The following GPRC5C variants were observed in gnomAD, a reference collection of about 807,000 sequenced individuals.
The protein encoded by GPRC5C is G protein-coupled receptor class C group 5 member C.
A neutral mutation model predicts 31.4 loss-of-function variants in GPRC5C; 22 were observed. The observed-to-expected ratio is 0.70, with a 90% CI of 0.50 to 1.00. The LOEUF (loss-of-function observed/expected upper bound fraction) is 1.00. Ranked by LOEUF, GPRC5C falls within the 50% of genes least tolerant of loss-of-function variation. The pLI, the probability that GPRC5C is intolerant of heterozygous loss-of-function variation, is 0.00. For synonymous variants in GPRC5C, 249 were observed against 257.5 expected, an observed-to-expected ratio of 0.97 and a Z score of 0.32; for missense variants, 557 against 597.2, an observed-to-expected ratio of 0.93 and a Z score of 0.70.
intron 1 of GPRC5C, among the ~76,000 whole-genome samples, chr17:74,436,941 CGTT>C (rs1331602794): frequency 6.6e-6 from 1 of 151,976 alleles, no homozygotes; most frequent in East Asian, 1.9e-4. Context: ...TTGTTGTTGT[CGTT>C]GTTGTTTTTG....
downstream of GPRC5C, among the ~76,000 whole-genome samples, chr17:74,448,012 T>A (rs1015271261): frequency 5.9e-5 from 9 of 152,210 alleles, no homozygotes; most frequent in Non-Finnish European, 4.4e-5. Context: ...GAGCGGTCAT[T>A]AAAATGTCCA....
Position 74,447,308 on chromosome 17 carries a change from G to T in GPRC5C, c.*280G>T. The T allele has an allele frequency of 8.4e-7, 1 of 1,185,608 alleles. No homozygotes were observed. Among genetic ancestry groups the T allele is most frequent in the Non-Finnish European group, 1.0e-6 (1 of 954,348 alleles). The allele number at this position is 1,185,608 out of a possible 1,614,324, so 73.4% of individuals were successfully genotyped here. ...ATAGTGTTCTCGGGGTGGTGGCTGG[G>T]CAGCGCCTATGTTTCTCTGGAGATT... is the stretch of plus-strand genomic sequence containing the variant. On this transcript the variant is annotated 3_prime_UTR_variant, in exon 4 of 4. Transcript: ENST00000392627.
At chr17:74,443,480 G>T (rs1214238531) in intron 2 of GPRC5C, 2 of 454,640 alleles carry the variant, frequency 4.4e-6, no homozygotes, top group East Asian at 1.2e-4. Context: ...GTGTCCTCTT[G>T]GCCTCTGGCC....
intron 2 of GPRC5C, among the ~76,000 whole-genome samples, chr17:74,441,915 A>G (rs1206581582): frequency 2.0e-5 from 3 of 152,184 alleles, no homozygotes; most frequent in African/African-American, 4.8e-5. Context: ...TACTAATACT[A>G]TCCTTCCAGA....
intron 1 of GPRC5C, among the ~76,000 whole-genome samples, chr17:74,439,400 C>G (rs149408093): frequency 0.012 from 1,799 of 152,300 alleles, 25 homozygotes; most frequent in Admixed American, 0.032. Context: ...TTGGTCTTGA[C>G]TTGTTCACAA....
chr17:74,434,866 T>G (rs1327553419), intron 1 of GPRC5C, among the ~76,000 whole-genome samples: 1 of 149,478 alleles, frequency 6.7e-6, no homozygotes, highest in African/African-American at 2.5e-5. Flanking sequence ...GAGGTTGCAG[T>G]GAGCCGAGAT....
intron 3 of GPRC5C, among the ~76,000 whole-genome samples, chr17:74,444,223 T>G (rs1336305080): frequency 2.0e-5 from 3 of 152,146 alleles, no homozygotes; most frequent in Admixed American, 6.5e-5. Context: ...TGGTGGGAGC[T>G]GCCAGCTTTA....
intron 3 of GPRC5C, 53 bp downstream of exon 3, chr17:74,443,965 T>C: frequency 8.0e-7 from 1 of 1,257,588 alleles, no homozygotes; most frequent in Non-Finnish European, 1.2e-6. Context: ...GAGACCAGCC[T>C]CAGCAGGCCA....
rs111729746 is a variant in GPRC5C at position 74,433,592 on chromosome 17, C to G, written c.-33+1451C>G. Reference sequence around the variant, plus strand: ...GACCTAACCAGGGACTGGGAGAGACCGATAGGAGTGGAGGCAGGAAGGCTG... The same window carrying G: ...GACCTAACCAGGGACTGGGAGAGACGGATAGGAGTGGAGGCAGGAAGGCTG... On this transcript the variant is annotated intron_variant, in intron 1 of 3. Coordinates refer to ENST00000392627, the MANE Select transcript of GPRC5C (RefSeq NM_022036.4). 1.3e-5 allele frequency: 11 copies of G among 854,028 alleles called. No individual in the cohort carries two copies. The East Asian group carries it at 2.4e-4, about 19-fold the overall frequency. The allele number at this position is 854,028 out of a possible 1,614,324, so 52.9% of individuals were successfully genotyped here. A position where few individuals can be genotyped will look rare whatever the true frequency, so the allele number is the denominator to read the frequency against.
downstream of GPRC5C, chr17:74,448,963 C>T (rs540920679): frequency 3.4e-5 from 40 of 1,168,848 alleles, 2 homozygotes; most frequent in South Asian, 4.7e-4. Context: ...GTTGAGACAG[C>T]AGGGTCCTGA....
chr17:74,444,837 C>G (rs775686262), intron 3 of GPRC5C, among the ~76,000 whole-genome samples: 1 of 152,158 alleles, frequency 6.6e-6, no homozygotes, highest in Non-Finnish European at 1.5e-5. Flanking sequence ...CACTCCCCAG[C>G]GCGTTTGGAG....
Position 74,432,316 on chromosome 17 carries a change from C to G in GPRC5C, c.-33+175C>G, listed in dbSNP as rs756067866. ...AGCCCTGCCTGGGGACAGGCCCGCG[C>G]GAGAGCGAGCAACCCAGCGCGCCTG... On this transcript the variant is annotated intron_variant, in intron 1 of 3. Coordinates refer to ENST00000392627, the MANE Select transcript of GPRC5C (RefSeq NM_022036.4). 2.8e-4 allele frequency: 410 copies of G among 1,440,218 alleles called. 1 individual carries two copies. Among genetic ancestry groups the G allele is most frequent in the Non-Finnish European group, 3.4e-4 (372 of 1,100,020 alleles). 89.2% of individuals were successfully genotyped at this position (1,440,218 alleles called of 1,614,324 possible). A position where few individuals can be genotyped will look rare whatever the true frequency, so the allele number is the denominator to read the frequency against.
rs1431424964 is a variant in GPRC5C at position 74,446,932 on chromosome 17, T to C, written c.1230T>C (p.Ala410=). ...GCAGTGCCAACTCGACCCTGCGGGC[T>C]GAAGACATGTACTCGGCCCAGAGCC... The part of the protein sequence containing the change: ...VMGSANSTLR[A]EDMYSAQSHQ... The change falls in exon 4 of 4, where the codon GCT becomes GCC. Residue 410 remains alanine, a synonymous_variant. Transcript: ENST00000392627. 6 of 1,614,016 alleles carry C rather than the reference T, an allele frequency of 3.7e-6. No individual in the cohort carries two copies. Among genetic ancestry groups the C allele is most frequent in the Non-Finnish European group, 4.2e-6 (5 of 1,179,986 alleles).
In GPRC5C at chr17:74,440,743, G is replaced by A. The variant is rs2055523472; in HGVS notation, c.967G>A (p.Gly323Ser). The change falls in exon 2 of 4, where the codon GGC (glycine) becomes AGC (serine). Residue 323 changes from glycine to serine, a missense_variant. Coordinates refer to ENST00000392627, the MANE Select transcript of GPRC5C (RefSeq NM_022036.4). This position sits in a 1 kb window ranked among gnomAD's most constrained non-coding sequence, Gnocchi z 4.4. ...GGACATGTACCCCACCCGGGGCGTG[G>A]GCTATGAGACCATCCTGAAAGAGCA... The part of the protein sequence containing the change: ...QGDMYPTRGV[G>S]YETILKEQKG... The A allele has an allele frequency of 6.3e-7, 1 of 1,595,844 alleles. No individual in the cohort carries two copies. Among genetic ancestry groups the A allele is most frequent in the Non-Finnish European group, 8.6e-7 (1 of 1,167,164 alleles).
At chr17:74,433,937 G>T (rs1342602392) in intron 1 of GPRC5C, among the ~76,000 whole-genome samples, 1 of 152,168 alleles carries the variant, frequency 6.6e-6, no homozygotes, top group African/African-American at 2.4e-5. Context: ...GCTGGATGAA[G>T]CCACTTGTTG....
intron 1 of GPRC5C, among the ~76,000 whole-genome samples, chr17:74,437,825 G>A (rs1254886721): frequency 2.0e-5 from 3 of 152,006 alleles, no homozygotes; most frequent in Non-Finnish European, 4.4e-5. Context: ...AAGAGAGTTA[G>A]ATAATGCCAT....
chr17:74,439,460 C>G (rs1013899084), intron 1 of GPRC5C, among the ~76,000 whole-genome samples: 5 of 152,162 alleles, frequency 3.3e-5, no homozygotes, highest in African/African-American at 1.2e-4. Flanking sequence ...ATATCTGAAC[C>G]CAGGTTATGT....
chr17:74,440,062 G>A lies in GPRC5C; in HGVS notation c.286G>A (p.Gly96Arg). 1 of 1,613,004 alleles carries A rather than the reference G, an allele frequency of 6.2e-7. No homozygotes were observed. Residue 96 changes from glycine (G) to arginine (R), a missense_variant, in exon 2 of 4, where the codon GGG becomes AGG. Coordinates refer to ENST00000392627, the MANE Select transcript of GPRC5C (RefSeq NM_022036.4). This position sits in a 1 kb window ranked among gnomAD's most constrained non-coding sequence, Gnocchi z 4.4. ...GGGGACCCAGGTATTCTTCCTTCTG[G>A]GGACCCTGGGCCTCTTCTGCCTCGT... Reference protein sequence around the residue: ...LLGTQVFFLLGTLGLFCLVFA... With the variant: ...LLGTQVFFLLRTLGLFCLVFA...
chr17:74,432,482 C>A, intron 1 of GPRC5C: 1 of 1,048,580 alleles, frequency 9.5e-7, no homozygotes, highest in Non-Finnish European at 1.1e-6. Context: ...CTGGAGTTGG[C>A]CCCAAACGCT....
Sources: allele counts gnomAD v4.1 joint callset (sites outside exome capture counted in the v4.1 genomes callset), GRCh38; gene constraint gnomAD v4.1.1; non-coding constraint Gnocchi (gnomAD v3.1); transcripts MANE v1.5; gene names NCBI Gene and HGNC (gene_info 2026-07-23, HGNC 2026-07-21).